Variants in ZNF385D observed in about 807,000 individuals in gnomAD.
ZNF385D encodes zinc finger protein 659.
Under a neutral mutation model 35.8 loss-of-function variants are expected in ZNF385D, and 15 were observed. The observed-to-expected ratio is 0.42, with a 90% CI of 0.28 to 0.64. The LOEUF is 0.64. Among genes scored for constraint, ZNF385D ranks in the 30% least tolerant of loss-of-function variants. The pLI is 0.23. For synonymous variants in ZNF385D, 212 were observed against 186.8 expected (o/e 1.13, Z -1.10); for missense variants, 474 against 494.6 (o/e 0.96, Z 0.39).
chr3:21,767,886 T>C (rs2335432), intron 3 of ZNF385D, among the ~76,000 whole-genome samples: 84,968 of 151,970 alleles, frequency 0.56, 24,334 homozygotes, highest in East Asian at 0.78. Flanking sequence ...TATTTTATAT[T>C]ATCTTGAACA....
chr3:21,978,662 A>G (rs1703795691), intron 3 of ZNF385D, among the ~76,000 whole-genome samples: 2 of 152,212 alleles, frequency 1.3e-5, no homozygotes, highest in African/African-American at 2.4e-5. Context: ...TATGAGTACA[A>G]GACATTTCTA....
At chr3:22,202,402 C>A (rs1016482121) in intron 2 of ZNF385D, among the ~76,000 whole-genome samples, 15 of 152,082 alleles carry the variant, frequency 9.9e-5, no homozygotes, top group African/African-American at 3.6e-4. Context: ...CTAGCATAAT[C>A]TCCTGGTGCC....
chr3:21,892,624 C>A (rs1223970428), intron 3 of ZNF385D, among the ~76,000 whole-genome samples: 1 of 152,068 alleles, frequency 6.6e-6, no homozygotes, highest in African/African-American at 2.4e-5. Flanking sequence ...TATTTATTTG[C>A]AAAGGAGCTA....
At chr3:21,868,585 A>AT (rs755325913) in intron 3 of ZNF385D, among the ~76,000 whole-genome samples, 2 of 152,084 alleles carry the variant, frequency 1.3e-5, no homozygotes, top group Non-Finnish European at 2.9e-5. Context: ...TTTTTGTACT[A>AT]TTACCATATC....
intron 3 of ZNF385D, among the ~76,000 whole-genome samples, chr3:22,157,360 AC>A (rs1705656305): frequency 6.6e-6 from 1 of 152,140 alleles, no homozygotes; most frequent in African/African-American, 2.4e-5. Flanking sequence ...TATTTTTGAT[AC>A]CTTTATTATC....
At chr3:21,840,973 G>C (rs1245255363) in intron 3 of ZNF385D, among the ~76,000 whole-genome samples, 2 of 151,972 alleles carry the variant, frequency 1.3e-5, no homozygotes, top group Non-Finnish European at 2.9e-5. Context: ...TATCCAATCT[G>C]GGTTGGTCAA....
intron 1 of ZNF385D, among the ~76,000 whole-genome samples, chr3:21,711,306 G>A (rs1261893932): frequency 6.6e-6 from 1 of 151,964 alleles, no homozygotes; most frequent in African/African-American, 2.4e-5. Context: ...CTCCCAAAGT[G>A]CTGGGATTAC....
At chr3:22,111,152 A>ATTTTTTTTTTTTTTT (rs61708178) in intron 3 of ZNF385D, among the ~76,000 whole-genome samples, 1 of 68,968 alleles carries the variant, frequency 1.4e-5, no homozygotes. Flanking sequence ...TCCATGTTGG[A>ATTTTTTTTTTTTTTT]TTTTTTTTTT....
At chr3:22,269,306 G>A (rs1701055152) in intron 2 of ZNF385D, among the ~76,000 whole-genome samples, 1 of 151,880 alleles carries the variant, frequency 6.6e-6, no homozygotes. Context: ...GTGGCTATAA[G>A]ACCACGGAAA....
chr3:22,259,630 AAAAT>A (rs1301686823), intron 2 of ZNF385D, among the ~76,000 whole-genome samples: 1 of 152,030 alleles, frequency 6.6e-6, no homozygotes, highest in East Asian at 1.9e-4. Context: ...GAGATTTAAC[AAAAT>A]AAATAATTTT....
intron 3 of ZNF385D, among the ~76,000 whole-genome samples, chr3:21,814,806 T>C (rs1232644068): frequency 6.6e-6 from 1 of 152,132 alleles, no homozygotes; most frequent in Non-Finnish European, 1.5e-5. Flanking sequence ...TATCCAGGAA[T>C]TGAACTCAGC....
chr3:22,124,726 T>C (rs561304364), intron 3 of ZNF385D, among the ~76,000 whole-genome samples: 51 of 152,312 alleles, frequency 3.3e-4, no homozygotes, highest in African/African-American at 1.2e-3. Context: ...TTTTTGCGAA[T>C]TGTCTATTCA....
rs529384635 is a variant in ZNF385D at position 22,162,627 on chromosome 3, C to G, written c.325+6190G>C. 7.0e-4 allele frequency among the ~76,000 whole-genome samples: 106 copies of G among 152,282 alleles called. 1 individual carries two copies. Among genetic ancestry groups the G allele is most frequent in the African/African-American group, 2.5e-3 (103 of 41,564 alleles). ...TGTCCTATTACCTGGGACTCCACCC[C>G]CCTTGCACTACGCAGTAGGCAGCCA... On this transcript the variant is annotated intron_variant, in intron 3 of 5. Coordinates refer to the ZNF385D transcript ENST00000494108.
Position 21,781,870 on chromosome 3 carries a change from C to T in ZNF385D, c.326-116842G>A, listed in dbSNP as rs114098075. On this transcript the variant is annotated intron_variant, in intron 3 of 5. Coordinates refer to the ZNF385D transcript ENST00000494108. Reference sequence around the variant, plus strand: ...ACCACTCTAGCAATGGCATTCAACCCAAAAAGGAGTTTTAGTATTTAAGTG... The same window carrying T: ...ACCACTCTAGCAATGGCATTCAACCTAAAAAGGAGTTTTAGTATTTAAGTG... Among the ~76,000 whole-genome samples, 1,427 of 152,022 alleles carry T rather than the reference C, an allele frequency of 9.4e-3. 30 individuals carry two copies. The highest frequency in any genetic ancestry group is 0.032 in the African/African-American group (1,335 of 41,474).
At chr3:22,186,779 A>G (rs1695664145) in intron 2 of ZNF385D, among the ~76,000 whole-genome samples, 1 of 152,164 alleles carries the variant, frequency 6.6e-6, no homozygotes, top group Non-Finnish European at 1.5e-5. Context: ...AAGTATTTAG[A>G]GTAACTGGCA....
chr3:21,777,990 T>C (rs1449618937), intron 3 of ZNF385D, among the ~76,000 whole-genome samples: 1 of 151,902 alleles, frequency 6.6e-6, no homozygotes, highest in Non-Finnish European at 1.5e-5. Context: ...CCCCAGATGA[T>C]ATGCAGTGTG....
At chr3:22,076,617 G>A (rs1700478062) in intron 3 of ZNF385D, among the ~76,000 whole-genome samples, 1 of 151,822 alleles carries the variant, frequency 6.6e-6, no homozygotes, top group South Asian at 2.1e-4. Context: ...TGGACTATAA[G>A]CACAAGGACA....
intron 3 of ZNF385D, among the ~76,000 whole-genome samples, chr3:21,797,218 T>C (rs762110697): frequency 6.6e-6 from 1 of 152,044 alleles, no homozygotes; most frequent in Non-Finnish European, 1.5e-5. Context: ...AAATGACAAA[T>C]AAGCCAATGA....
At chr3:22,059,280 ACAGGGC>A (rs1182097845) in intron 3 of ZNF385D, among the ~76,000 whole-genome samples, 2 of 152,128 alleles carry the variant, frequency 1.3e-5, no homozygotes, top group African/African-American at 4.8e-5. Flanking sequence ...GAAGAAGAAG[ACAGGGC>A]CACAGGGACT....
Sources: gnomAD v4.1 joint callset for allele counts (sites outside exome capture counted in the v4.1 genomes callset) on GRCh38, gnomAD v4.1.1 for gene constraint, MANE v1.5 for transcripts, NCBI Gene and HGNC (gene_info 2026-07-23, HGNC 2026-07-21) for gene names.